The following IL34 variants were observed in gnomAD, a reference collection of about 807,000 sequenced individuals.
IL34 encodes the protein interleukin-34.
IL34 carries 17 observed loss-of-function variants against 25.3 expected under a neutral mutation model. The ratio of observed to expected loss-of-function variants is 0.67; its 90% CI spans 0.46 to 1.01. The LOEUF (loss-of-function observed/expected upper bound fraction) is 1.01, where lower values mean the gene tolerates loss of function less well. IL34 is among the 50% of genes least tolerant of loss of function. IL34 has a pLI of 0.00. For missense variants in IL34, 368 were observed against 312.9 expected (o/e 1.18, Z -1.33); for synonymous variants, 174 against 140.9 (o/e 1.23, Z -1.66).
At chr16:70,609,968 C>T (rs895865060) in intron 1 of IL34, among the ~76,000 whole-genome samples, 2 of 152,166 alleles carry the variant, frequency 1.3e-5, no homozygotes, top group African/African-American at 4.8e-5. Context: ...CTTTGGGAGG[C>T]CAAGGCAGGT....
Position 70,590,618 on chromosome 16 carries a change from A to G in IL34, c.-401+10569A>G, listed in dbSNP as rs78601630. Among the ~76,000 whole-genome samples, 1,518 of 152,280 alleles carry G rather than the reference A, an allele frequency of 1.0e-2. 179 individuals carry two copies. In the East Asian group the frequency reaches 0.25, roughly 25 times the overall value. ...TAGCTGGTGCTGTTTTCACTGGGCC[A>G]GGTGCTGTGTTAAGCTGAACAGGCT... On this transcript the variant is annotated intron_variant, in intron 1 of 6. Coordinates refer to the IL34 transcript ENST00000429149.
At chr16:70,639,982 G>A (rs533739066) in intron 1 of IL34, among the ~76,000 whole-genome samples, 174 of 152,146 alleles carry the variant, frequency 1.1e-3, no homozygotes, top group Middle Eastern at 0.01. Context: ...AGAGGAACAT[G>A]TTGAAGTGGA....
At chr16:70,582,010 C>G (rs529061668) in intron 1 of IL34, among the ~76,000 whole-genome samples, 17 of 152,338 alleles carry the variant, frequency 1.1e-4, no homozygotes, top group Admixed American at 9.8e-4. Context: ...AGCATAAGGT[C>G]TGGTGCTTAA....
chr16:70,594,491 C>G lies in IL34; in HGVS notation c.-401+14442C>G, dbSNP rs1257220986. ...AGTGGCTTCCTCTACTTCTCATTCC[C>G]TAGGCCTCCATTCATCTATCCAAAG... On this transcript the variant is annotated intron_variant, in intron 1 of 6. Transcript: ENST00000429149. Among the ~76,000 whole-genome samples the G allele has an allele frequency of 7.2e-5, 11 of 152,310 alleles. No homozygotes were observed. In the East Asian group the frequency reaches 2.1e-3, roughly 29 times the overall value.
chr16:70,589,061 G>A (rs1052166903), intron 1 of IL34, among the ~76,000 whole-genome samples: 1 of 152,120 alleles, frequency 6.6e-6, no homozygotes, highest in African/African-American at 2.4e-5. Flanking sequence ...GCTGAGCGTG[G>A]TGGCGGGCAC....
chr16:70,632,278 C>T (rs1227462886), intron 1 of IL34, among the ~76,000 whole-genome samples: 2 of 152,128 alleles, frequency 1.3e-5, no homozygotes, highest in Non-Finnish European at 2.9e-5. Context: ...ATTCAGCGGC[C>T]ATTTCTGACC....
intron 1 of IL34, among the ~76,000 whole-genome samples, chr16:70,648,791 G>A (rs2168608): frequency 0.62 from 94,055 of 151,772 alleles, 31,712 homozygotes; most frequent in African/African-American, 0.9. Context: ...ACAGGAATGT[G>A]TCGTCTCACA....
At chr16:70,593,811 G>T (rs1475253665) in intron 1 of IL34, among the ~76,000 whole-genome samples, 3 of 152,162 alleles carry the variant, frequency 2.0e-5, no homozygotes, top group Non-Finnish European at 4.4e-5. Context: ...AGAGGTGTGA[G>T]CTAGTGTACC....
intron 1 of IL34, among the ~76,000 whole-genome samples, chr16:70,621,073 AG>A (rs1567448017): frequency 6.6e-6 from 1 of 152,062 alleles, no homozygotes; most frequent in South Asian, 2.1e-4. Flanking sequence ...ATAAGCAATT[AG>A]GGGGTTCTTG....
At chr16:70,582,152 G>T (rs574223654) in intron 1 of IL34, among the ~76,000 whole-genome samples, 4 of 152,224 alleles carry the variant, frequency 2.6e-5, no homozygotes, top group African/African-American at 7.2e-5. Context: ...AGAGTGAAAG[G>T]CTTCATTGCC....
intron 1 of IL34, among the ~76,000 whole-genome samples, chr16:70,612,608 A>G (rs1156654265): frequency 6.6e-6 from 1 of 152,238 alleles, no homozygotes; most frequent in Non-Finnish European, 1.5e-5. Context: ...CATCCTGAAA[A>G]GAAAGTGCTT....
intron 1 of IL34, among the ~76,000 whole-genome samples, chr16:70,603,328 A>G (rs767215278): frequency 3.3e-4 from 50 of 152,094 alleles, no homozygotes; most frequent in Non-Finnish European, 4.7e-4. Context: ...TGCCCAGGCT[A>G]GAGTGCAGTG....
chr16:70,586,905 C>G (rs1198123649), intron 1 of IL34, among the ~76,000 whole-genome samples: 2 of 152,222 alleles, frequency 1.3e-5, no homozygotes, highest in African/African-American at 4.8e-5. Context: ...TGGCGGCCAC[C>G]TGGTTTGGTC....
intron 1 of IL34, among the ~76,000 whole-genome samples, chr16:70,583,835 A>G (rs2050661679): frequency 6.6e-6 from 1 of 152,088 alleles, no homozygotes; most frequent in Non-Finnish European, 1.5e-5. Flanking sequence ...TATCTTTAGT[A>G]GAGATGGGGT....
At chr16:70,625,673 C>A (rs1421925131) in intron 1 of IL34, among the ~76,000 whole-genome samples, 4 of 152,132 alleles carry the variant, frequency 2.6e-5, no homozygotes. Context: ...GGGAAGGCTG[C>A]CTTCCCAGTC....
intron 1 of IL34, among the ~76,000 whole-genome samples, chr16:70,635,693 T>C (rs897060493): frequency 6.6e-6 from 1 of 152,198 alleles, no homozygotes; most frequent in Non-Finnish European, 1.5e-5. Context: ...CAGACCTCTA[T>C]TGATAGTGCA....
intron 1 of IL34, among the ~76,000 whole-genome samples, chr16:70,581,317 C>G (rs2050633946): frequency 6.6e-6 from 1 of 152,146 alleles, no homozygotes; most frequent in South Asian, 2.1e-4. Flanking sequence ...GACGGGCAGC[C>G]TCTGTCCGCT....
chr16:70,649,923 C>T (rs1017271456), intron 1 of IL34, among the ~76,000 whole-genome samples: 3 of 152,142 alleles, frequency 2.0e-5, no homozygotes, highest in African/African-American at 7.2e-5. Context: ...CTCAGCCTCC[C>T]GAGTAGCTGG....
At chr16:70,628,687 A>G (rs991216871) in intron 1 of IL34, among the ~76,000 whole-genome samples, 6 of 150,716 alleles carry the variant, frequency 4.0e-5, no homozygotes, top group Admixed American at 3.3e-4. Flanking sequence ...GGGTCTCACC[A>G]TGTTGACCAA....
Sources: allele counts gnomAD v4.1 joint callset (sites outside exome capture counted in the v4.1 genomes callset), GRCh38; gene constraint gnomAD v4.1.1; transcripts MANE v1.5; gene names NCBI Gene and HGNC (gene_info 2026-07-23, HGNC 2026-07-21).